The following XRRA1 variants were observed in gnomAD, a reference collection of about 807,000 sequenced individuals.
The protein encoded by XRRA1 is X-ray radiation resistance associated 1.
XRRA1 carries 69 observed loss-of-function variants against 80.2 expected under a neutral mutation model. That is an observed-to-expected ratio of 0.86 (90% CI 0.71 to 1.05). The LOEUF is 1.05. XRRA1 is among the 50% of genes least tolerant of loss of function. The probability of loss-of-function intolerance (pLI) is 0.00; values close to 1 mark genes in which losing one functional copy is unlikely to be tolerated. For missense variants in XRRA1, 967 were observed against 976.4 expected, an observed-to-expected ratio of 0.99 and a Z score of 0.13; for synonymous variants, 348 against 389.9, an observed-to-expected ratio of 0.89 and a Z score of 1.27.
At chr11:74,920,456 A>C (rs1940381481) in intron 8 of XRRA1, among the ~76,000 whole-genome samples, 1 of 152,214 alleles carries the variant, frequency 6.6e-6, no homozygotes, top group African/African-American at 2.4e-5. Flanking sequence ...GGAAACACTA[A>C]ATTAAACTGA....
intron 7 of XRRA1, among the ~76,000 whole-genome samples, chr11:74,926,052 C>T (rs1421250199): frequency 1.3e-5 from 2 of 152,150 alleles, no homozygotes; most frequent in Non-Finnish European, 2.9e-5. Flanking sequence ...TTGTTGTAAA[C>T]TTACTTTCTC....
At chr11:74,843,661 C>T in intron 18 of XRRA1, 193 bp downstream of exon 18, 2 of 819,180 alleles carry the variant, frequency 2.4e-6, no homozygotes, top group Non-Finnish European at 3.8e-6. Context: ...TGGTTCAGGA[C>T]CTTAACATGC....
intron 9 of XRRA1, chr11:74,906,756 AAG>A: frequency 2.3e-6 from 1 of 441,254 alleles, no homozygotes; most frequent in Non-Finnish European, 4.0e-6. Flanking sequence ...CAGAGAAGTA[AAG>A]CTTAACAATG....
At position 74,843,210 on chromosome 11, in the gene XRRA1, G is replaced by T; in HGVS notation, c.2393C>A (p.Ser798Ter). 1 of 1,557,108 alleles carries T rather than the reference G, an allele frequency of 6.4e-7. No individual in the cohort carries two copies. Residue 798 changes from serine (S) to a stop codon, truncating the protein, a stop_gained, in exon 19 of 19, where the codon TCA becomes TAA. Transcript: ENST00000684022. LOFTEE classifies it high-confidence loss of function. ...CCCCCATGCACAGCTCTAGCCTTGTGAGTCACTGGCTGTGGGCTCCTGGCA... is the reference window on the plus strand; with the variant it reads ...CCCCCATGCACAGCTCTAGCCTTGTTAGTCACTGGCTGTGGGCTCCTGGCA... Reference protein sequence around the residue: ...EFCQEPTASDSQG With the variant: ...EFCQEPTASD
intron 10 of XRRA1, among the ~76,000 whole-genome samples, chr11:74,881,876 C>T (rs1227901254): frequency 6.0e-5 from 9 of 149,240 alleles, no homozygotes; most frequent in East Asian, 2.0e-4. Context: ...CCGAGAGATC[C>T]GCTGTTAGTC....
At chr11:74,879,926 C>G (rs890183411) in intron 10 of XRRA1, among the ~76,000 whole-genome samples, 6 of 151,948 alleles carry the variant, frequency 3.9e-5, no homozygotes, top group African/African-American at 1.5e-4. Context: ...CTAAAATTCT[C>G]TTTTTTTGCT....
chr11:74,914,227 C>A (rs1405241620), intron 8 of XRRA1, among the ~76,000 whole-genome samples: 1 of 152,222 alleles, frequency 6.6e-6, no homozygotes, highest in African/African-American at 2.4e-5. Flanking sequence ...CTCAAGTGAT[C>A]CACCTGCCTC....
intron 10 of XRRA1, among the ~76,000 whole-genome samples, chr11:74,878,762 T>C (rs1461271530): frequency 1.3e-5 from 2 of 150,810 alleles, no homozygotes; most frequent in Non-Finnish European, 3.0e-5. Flanking sequence ...TTGTCAAAGA[T>C]CAGATAGTTG....
chr11:74,861,198 T>C (rs2042219653), intron 11 of XRRA1, among the ~76,000 whole-genome samples: 1 of 152,174 alleles, frequency 6.6e-6, no homozygotes, highest in Middle Eastern at 3.2e-3. Context: ...TCCTGATTCG[T>C]GTCATTTATA....
chr11:74,937,304 G>A (rs548526944), intron 3 of XRRA1, among the ~76,000 whole-genome samples: 7 of 152,240 alleles, frequency 4.6e-5, no homozygotes, highest in South Asian at 4.1e-4. Flanking sequence ...AAAAGGCTGC[G>A]ACAAAAGGAG....
At chr11:74,880,870 T>G (rs1412569203) in intron 10 of XRRA1, among the ~76,000 whole-genome samples, 1 of 151,378 alleles carries the variant, frequency 6.6e-6, no homozygotes, top group Non-Finnish European at 1.5e-5. Flanking sequence ...CTGAGGAGAG[T>G]TTTACTTCCA....
At chr11:74,848,583 G>GT in intron 14 of XRRA1, 121 bp from the exon 15 acceptor site, 1 of 845,916 alleles carries the variant, frequency 1.2e-6, no homozygotes, top group Non-Finnish European at 1.8e-6. Flanking sequence ...TGAGGCGGGG[G>GT]TGGAAAGGGA....
intron 14 of XRRA1, among the ~76,000 whole-genome samples, chr11:74,850,092 C>A (rs998958707): frequency 1.3e-5 from 2 of 152,182 alleles, no homozygotes; most frequent in Admixed American, 6.5e-5. Context: ...TTATTTAACT[C>A]ATTTAGCTCA....
At chr11:74,851,051 C>T (rs773273042) in intron 14 of XRRA1, 37 bp downstream of exon 14, 1 of 1,562,072 alleles carries the variant, frequency 6.4e-7, no homozygotes, top group Non-Finnish European at 8.7e-7. Context: ...AGGCTGCACT[C>T]TTCCTGGGGG....
intron 2 of XRRA1, among the ~76,000 whole-genome samples, chr11:74,941,803 T>C (rs1946386840): frequency 6.6e-6 from 1 of 151,196 alleles, no homozygotes; most frequent in East Asian, 1.9e-4. Context: ...GTTAATAAAC[T>C]AAAGAATTAA....
intron 2 of XRRA1, among the ~76,000 whole-genome samples, chr11:74,942,125 G>T (rs1946449796): frequency 6.6e-6 from 1 of 152,002 alleles, no homozygotes; most frequent in Non-Finnish European, 1.5e-5. Flanking sequence ...GACAAAGGAG[G>T]AGAAGCCCCT....
At chr11:74,925,761 T>C (rs1414512835) in intron 7 of XRRA1, among the ~76,000 whole-genome samples, 1 of 152,130 alleles carries the variant, frequency 6.6e-6, no homozygotes, top group African/African-American at 2.4e-5. Flanking sequence ...TCAGAGCCTA[T>C]AGTCATGTCT....
At chr11:74,893,451 T>G (rs1435239668) in intron 10 of XRRA1, among the ~76,000 whole-genome samples, 1 of 152,036 alleles carries the variant, frequency 6.6e-6, no homozygotes, top group East Asian at 1.9e-4. Flanking sequence ...ATACCTAACA[T>G]TAAATGATGA....
rs774365919 is a variant in XRRA1 at position 74,843,009 on chromosome 11, C to T, written c.*191G>A. 1.3e-5 allele frequency: 9 copies of T among 712,942 alleles called. No homozygotes were observed. The highest frequency in any genetic ancestry group is 1.1e-4 in the African/African-American group (6 of 56,056). 44.2% of individuals were successfully genotyped at this position (712,942 alleles called of 1,614,324 possible). The stretch of plus-strand genomic sequence containing the variant: ...CTCTTTATTGCCGCTGGGCCAGGCA[C>T]CAGGTCATGCCTGGGCCAAGGAGGG... On this transcript the variant is annotated 3_prime_UTR_variant, in exon 19 of 19. Transcript: ENST00000684022.
Sources: allele counts gnomAD v4.1 joint callset (sites outside exome capture counted in the v4.1 genomes callset), GRCh38; gene constraint gnomAD v4.1.1; transcripts MANE v1.5; gene names NCBI Gene and HGNC (gene_info 2026-07-23, HGNC 2026-07-21).